GMPR: variants seen among roughly 807,000 people sequenced by gnomAD.
GMPR encodes GMP reductase 1.
In GMPR, 31 loss-of-function variants were observed where a neutral mutation model predicts 38.4. The ratio of observed to expected loss-of-function variants is 0.81; its 90% CI spans 0.61 to 1.09. The LOEUF (loss-of-function observed/expected upper bound fraction) is 1.09, where lower values mean the gene tolerates loss of function less well. Ranked by LOEUF, GMPR falls within the 50% of genes least tolerant of loss-of-function variation. The pLI, the probability that GMPR is intolerant of heterozygous loss-of-function variation, is 0.00. For synonymous variants in GMPR, 162 were observed against 173.3 expected (o/e 0.93, Z 0.51); for missense variants, 468 against 453.7 (o/e 1.03, Z -0.29).
intron 4 of GMPR, among the ~76,000 whole-genome samples, chr6:16,272,014 C>A (rs1176391031): frequency 6.6e-6 from 1 of 152,096 alleles, no homozygotes; most frequent in Non-Finnish European, 1.5e-5. Context: ...AGTTTGAGAC[C>A]AGCCTGGCCA....
At chr6:16,265,706 A>T (rs966888767) in intron 4 of GMPR, among the ~76,000 whole-genome samples, 2 of 152,180 alleles carry the variant, frequency 1.3e-5, no homozygotes, top group African/African-American at 4.8e-5. Context: ...GTAAAAACAC[A>T]CCACTCCGCA....
At position 16,285,036 on chromosome 6, in the gene GMPR, A is replaced by AC. The variant is rs1238267715; in HGVS notation, c.655-757_655-756insC. ...CTGTCTCAAAAAAAAAAAAAAACAA[A>AC]AAAAAAAAAACAGAAAAGAAAAGAA... On this transcript the variant is annotated intron_variant, in intron 6 of 8. Transcript: ENST00000259727. Among the ~76,000 whole-genome samples, 320 of 151,174 alleles carry AC rather than the reference A, an allele frequency of 2.1e-3. 2 individuals are homozygous for AC. The highest frequency in any genetic ancestry group is 7.3e-3 in the African/African-American group (298 of 41,040).
intron 4 of GMPR, among the ~76,000 whole-genome samples, chr6:16,267,319 C>T (rs572083956): frequency 6.6e-6 from 1 of 152,064 alleles, no homozygotes; most frequent in African/African-American, 2.4e-5. Flanking sequence ...TTGCAGTGAG[C>T]CGAGATCGCG....
chr6:16,293,320 C>T (rs1031751096), intron 8 of GMPR, among the ~76,000 whole-genome samples: 2 of 152,164 alleles, frequency 1.3e-5, no homozygotes, highest in Non-Finnish European at 2.9e-5. Context: ...AAATATCTTA[C>T]GAAAATGAAA....
intron 5 of GMPR, among the ~76,000 whole-genome samples, chr6:16,277,459 C>G (rs531712396): frequency 4.9e-4 from 74 of 152,350 alleles, no homozygotes; most frequent in African/African-American, 1.7e-3. Context: ...CACCTTTACC[C>G]TGTCCCCAGA....
Position 16,254,599 on chromosome 6 carries a change from T to C in GMPR, c.329T>C (p.Leu110Pro), listed in dbSNP as rs147133101. Residue 110 changes from leucine to proline, a missense_variant, in exon 4 of 9, where the codon CTG (leucine) becomes CCG (proline). Transcript: ENST00000259727. ...AGTTCAGGCAGTGGGCAGAATGATC[T>C]GGAAAAGATGACCAGCATCCTGGAA... is the stretch of plus-strand genomic sequence containing the variant. Reference protein sequence around the residue: ...AVSSGSGQNDLEKMTSILEAV... With the variant: ...AVSSGSGQNDPEKMTSILEAV... The C allele has an allele frequency of 1.1e-4, 177 of 1,614,004 alleles. No individual in the cohort carries two copies. The highest frequency in any genetic ancestry group is 2.5e-5 in the Non-Finnish European group (29 of 1,179,928).
At chr6:16,290,736 G>T in intron 8 of GMPR, 115 bp downstream of exon 8, 1 of 882,870 alleles carries the variant, frequency 1.1e-6, no homozygotes, top group East Asian at 2.6e-5. Flanking sequence ...CCGTGGGAAG[G>T]GGTTCTTTTT....
At chr6:16,252,683 G>C (rs1262227960) in intron 3 of GMPR, among the ~76,000 whole-genome samples, 2 of 152,160 alleles carry the variant, frequency 1.3e-5, no homozygotes, top group Non-Finnish European at 2.9e-5. Context: ...TAAAAACTTA[G>C]TAGCAGTGAG....
chr6:16,262,248 C>G (rs904470058), intron 4 of GMPR: 6 of 151,654 alleles, frequency 4.0e-5, no homozygotes, highest in Admixed American at 3.3e-4. Flanking sequence ...GGCGATCGGG[C>G]AGCATCAGTC....
intron 1 of GMPR, 57 bp downstream of exon 1, chr6:16,238,837 G>A (rs923939817): frequency 1.0e-6 from 1 of 970,382 alleles, no homozygotes; most frequent in Non-Finnish European, 1.5e-6. Flanking sequence ...GGTGGCGCGG[G>A]GCAAGTGGGT....
intron 4 of GMPR, among the ~76,000 whole-genome samples, chr6:16,260,579 G>T (rs1326116646): frequency 6.6e-6 from 1 of 152,036 alleles, no homozygotes; most frequent in Non-Finnish European, 1.5e-5. Context: ...AATCCTTGAG[G>T]AGTAGTAGAA....
intron 4 of GMPR, among the ~76,000 whole-genome samples, chr6:16,268,678 A>G (rs1023895207): frequency 3.3e-5 from 5 of 152,082 alleles, no homozygotes; most frequent in African/African-American, 9.7e-5. Context: ...TTATCATCCT[A>G]TGGAAAGGAT....
At chr6:16,246,774 T>A in intron 1 of GMPR, 68 bp from the exon 2 acceptor site, 1 of 1,499,564 alleles carries the variant, frequency 6.7e-7, no homozygotes, top group Non-Finnish European at 9.2e-7. Flanking sequence ...CCAGAAATTC[T>A]GCACATTTCA....
intron 5 of GMPR, among the ~76,000 whole-genome samples, chr6:16,276,949 C>A (rs1759483154): frequency 6.6e-6 from 1 of 152,174 alleles, no homozygotes; most frequent in African/African-American, 2.4e-5. Flanking sequence ...TTGGCTGTTT[C>A]CAAGAAAGGC....
At chr6:16,281,240 A>G (rs1759566934) in intron 6 of GMPR, among the ~76,000 whole-genome samples, 2 of 152,320 alleles carry the variant, frequency 1.3e-5, no homozygotes, top group South Asian at 4.1e-4. Flanking sequence ...TTTAAACACG[A>G]GCCCTCCAGG....
At chr6:16,258,828 G>T (rs905479647) in intron 4 of GMPR, among the ~76,000 whole-genome samples, 12 of 152,178 alleles carry the variant, frequency 7.9e-5, no homozygotes, top group Non-Finnish European at 1.5e-4. Flanking sequence ...TGGAATGAAT[G>T]ATGTAATATG....
At chr6:16,246,256 G>A (rs1305356039) in intron 1 of GMPR, among the ~76,000 whole-genome samples, 1 of 152,172 alleles carries the variant, frequency 6.6e-6, no homozygotes, top group Non-Finnish European at 1.5e-5. Context: ...GAGAATTGGA[G>A]CCCCCTGACC....
At chr6:16,250,426 A>G (rs2113671996) in intron 3 of GMPR, 59 bp downstream of exon 3, 2 of 932,978 alleles carry the variant, frequency 2.1e-6, no homozygotes, top group Non-Finnish European at 3.6e-6. Flanking sequence ...AAATCTTCAG[A>G]GCTGTCAAGA....
chr6:16,295,165 G>A lies in GMPR; in HGVS notation c.1017G>A (p.Gln339=). The A allele has an allele frequency of 6.5e-7, 1 of 1,539,466 alleles. No individual in the cohort carries two copies. Among genetic ancestry groups the A allele is most frequent in the Non-Finnish European group, 8.7e-7 (1 of 1,150,104 alleles). The change falls in exon 9 of 9, where the codon CAG becomes CAA. Residue 339 remains glutamine (Q), a synonymous_variant. Transcript: ENST00000259727. ...RRATFIRVTQ[Q]HNTVFS is the part of the protein sequence containing the mutation. ...CAACATTCATCCGGGTGACCCAGCA[G>A]CACAACACCGTGTTCAGCTAACCCT...
Sources: allele counts gnomAD v4.1 joint callset (sites outside exome capture counted in the v4.1 genomes callset), GRCh38; gene constraint gnomAD v4.1.1; transcripts MANE v1.5; gene names NCBI Gene and HGNC (gene_info 2026-07-23, HGNC 2026-07-21).